CLTCL1: variants seen among roughly 807,000 people sequenced by gnomAD.
The protein encoded by CLTCL1 is clathrin heavy chain like 1.
In CLTCL1, 159 loss-of-function variants were observed where a neutral mutation model predicts 190.0. The ratio of observed to expected loss-of-function variants is 0.84; its 90% confidence interval spans 0.74 to 0.95. The LOEUF (loss-of-function observed/expected upper bound fraction) is 0.95. Among genes scored for constraint, CLTCL1 ranks in the 40% least tolerant of loss-of-function variants. The probability of loss-of-function intolerance (pLI) is 0.00; values close to 1 mark genes in which losing one functional copy is unlikely to be tolerated. For missense variants in CLTCL1, 1,878 were observed against 2,033.4 expected, an observed-to-expected ratio of 0.92 and a Z score of 1.47; for synonymous variants, 752 against 769.6, an observed-to-expected ratio of 0.98 and a Z score of 0.38.
intron 22 of CLTCL1, 110 bp downstream of exon 22, chr22:19,208,044 T>A: frequency 7.5e-7 from 1 of 1,337,362 alleles, no homozygotes; most frequent in South Asian, 1.2e-5. Context: ...AAAACTGTCT[T>A]CGATGAAACC....
intron 7 of CLTCL1, among the ~76,000 whole-genome samples, chr22:19,233,934 C>G (rs1555960570): frequency 6.6e-6 from 1 of 152,186 alleles, no homozygotes; most frequent in African/African-American, 2.4e-5. Flanking sequence ...ATTCAAAATA[C>G]TCAAATTCAC....
intron 24 of CLTCL1, 140 bp downstream of exon 24, chr22:19,199,594 A>C (rs775671023): frequency 2.3e-4 from 131 of 568,978 alleles, no homozygotes; most frequent in Non-Finnish European, 3.4e-4. Context: ...CTAACACATG[A>C]ATCTTCCCCT....
At position 19,208,210 on chromosome 22, in the gene CLTCL1, G is replaced by C; in HGVS notation, c.3544C>G (p.Arg1182Gly). The change falls in exon 22 of 33, where the codon CGT (arginine) becomes GGT (glycine). Residue 1182 changes from arginine to glycine, a missense_variant. Arg to Gly is a moderately radical substitution (Grantham distance 125). Transcript: ENST00000427926. ...ELIFALAKTSRVSELEDFING... is the reference protein window; with the variant it reads ...ELIFALAKTSGVSELEDFING... Reference sequence around the variant, plus strand: ...ATAAAATCTTCTAGCTCAGAAACACGGCTGGTTTTAGCCAAGGCAAAAATA... The same window carrying C: ...ATAAAATCTTCTAGCTCAGAAACACCGCTGGTTTTAGCCAAGGCAAAAATA... The C allele has an allele frequency of 1.2e-6, 2 of 1,613,824 alleles. No individual in the cohort carries two copies. The highest frequency in any genetic ancestry group is 1.6e-4 in the Middle Eastern group (1 of 6,062).
intron 18 of CLTCL1, among the ~76,000 whole-genome samples, chr22:19,216,755 C>T (rs1318382932): frequency 6.6e-6 from 1 of 152,190 alleles, no homozygotes; most frequent in African/African-American, 2.4e-5. Flanking sequence ...CTGTGCCACC[C>T]CTCCTCCAAT....
chr22:19,239,386 C>T lies in CLTCL1; in HGVS notation c.684G>A (p.Leu228=), dbSNP rs373286380. ...FAVRNPTGGK[L]HIIEVGQPAA... Reference sequence around the variant, plus strand: ...CAGGCTGTCCAACTTCAATGATGTGCAACTAGAAGAGAGATTTTAGGTCAA... The same window carrying T: ...CAGGCTGTCCAACTTCAATGATGTGTAACTAGAAGAGAGATTTTAGGTCAA... The change falls in exon 5 of 33, where the codon TTG becomes TTA. Residue 228 remains leucine, a splice_region_variant and synonymous_variant. Coordinates refer to ENST00000427926, the MANE Select transcript of CLTCL1 (RefSeq NM_007098.4). 3 of 1,612,746 alleles carry T rather than the reference C, an allele frequency of 1.9e-6. No homozygotes were observed. Among genetic ancestry groups the T allele is most frequent in the East Asian group, 2.2e-5 (1 of 44,872 alleles).
intron 1 of CLTCL1, among the ~76,000 whole-genome samples, chr22:19,279,266 G>T (rs1555985107): frequency 6.6e-6 from 1 of 152,048 alleles, no homozygotes; most frequent in Non-Finnish European, 1.5e-5. Context: ...CTCCCGAGTA[G>T]CTGGGACTAC....
chr22:19,187,418 T>TC (rs879987100), intron 29 of CLTCL1, 140 bp downstream of exon 29: 1 of 762,630 alleles, frequency 1.3e-6, no homozygotes, highest in Admixed American at 2.7e-5. Context: ...TTAATACTAA[T>TC]CCCCCCACCC....
intron 23 of CLTCL1, 28 bp downstream of exon 23, chr22:19,201,301 C>G (rs782262363): frequency 1.3e-6 from 2 of 1,589,740 alleles, no homozygotes; most frequent in Non-Finnish European, 1.7e-6. Flanking sequence ...CCAGCACACT[C>G]TGCCGTCTGC....
At chr22:19,287,120 T>G (rs144223666) in intron 1 of CLTCL1, among the ~76,000 whole-genome samples, 9 of 152,182 alleles carry the variant, frequency 5.9e-5, no homozygotes, top group Non-Finnish European at 1.2e-4. Flanking sequence ...TGAATCAAGA[T>G]GTCTTAAGTG....
chr22:19,287,757 T>TCCCAGGCTC (rs530155353), intron 1 of CLTCL1, among the ~76,000 whole-genome samples: 2,092 of 151,948 alleles, frequency 0.014, 24 homozygotes, highest in Non-Finnish European at 0.018. Flanking sequence ...GGAAAACACA[T>TCCCAGGCTC]CCCAGGCTCC....
At chr22:19,220,095 C>A in intron 17 of CLTCL1, 88 bp from the exon 18 acceptor site, 1 of 1,543,698 alleles carries the variant, frequency 6.5e-7, no homozygotes. Flanking sequence ...TCCCTGTGTG[C>A]CTGATACTGG....
intron 2 of CLTCL1, among the ~76,000 whole-genome samples, chr22:19,271,333 C>T (rs1239168715): frequency 6.6e-6 from 1 of 152,086 alleles, no homozygotes; most frequent in African/African-American, 2.4e-5. Flanking sequence ...CAGATTTCCC[C>T]CTTGCTGTTC....
chr22:19,183,926 G>C, intron 29 of CLTCL1: 1 of 420,176 alleles, frequency 2.4e-6, no homozygotes, highest in Non-Finnish European at 4.4e-6. Flanking sequence ...GGGAGTTTGG[G>C]GGTTGTGGGG....
chr22:19,183,438 G>A lies in CLTCL1; in HGVS notation c.4779C>T (p.Asp1593=), dbSNP rs781887207. ...LELAWRHNLV[D]LAMPYFIQVM... ...CCTGGATGAAGTAGGGCATGGCCAA[G>A]TCCACGAGGTTGTGCCTCCAGGCCA... Residue 1593 remains aspartate (D), a synonymous_variant, in exon 30 of 33, where the codon GAC becomes GAT. Transcript: ENST00000427926. 4 of 1,613,670 alleles carry A rather than the reference G, an allele frequency of 2.5e-6. No individual in the cohort carries two copies. In the South Asian group the frequency reaches 3.3e-5, roughly 13 times the overall value.
At chr22:19,206,591 T>G (rs999601858) in intron 22 of CLTCL1, among the ~76,000 whole-genome samples, 2 of 151,592 alleles carry the variant, frequency 1.3e-5, no homozygotes, top group African/African-American at 4.9e-5. Flanking sequence ...CAAAGTTCAT[T>G]TTGTTATTTT....
chr22:19,256,090 T>C (rs577887762), intron 2 of CLTCL1, among the ~76,000 whole-genome samples: 71 of 152,180 alleles, frequency 4.7e-4, no homozygotes, highest in Admixed American at 7.9e-4. Flanking sequence ...CAAGATGTCA[T>C]TTCCCCATAA....
At chr22:19,201,225 TG>T in intron 23 of CLTCL1, 103 bp downstream of exon 23, 1 of 1,365,366 alleles carries the variant, frequency 7.3e-7, no homozygotes. Context: ...GACCCCTGCC[TG>T]GGCAAGAGAC....
intron 22 of CLTCL1, among the ~76,000 whole-genome samples, chr22:19,202,721 A>G (rs2084937379): frequency 6.6e-6 from 1 of 152,092 alleles, no homozygotes; most frequent in Non-Finnish European, 1.5e-5. Flanking sequence ...CACCCATGGC[A>G]TCTCTCATGT....
chr22:19,229,950 C>G lies in CLTCL1; in HGVS notation c.1670G>C (p.Ser557Thr). The G allele has an allele frequency of 6.2e-7, 1 of 1,609,898 alleles. No individual in the cohort carries two copies. Among genetic ancestry groups the G allele is most frequent in the Non-Finnish European group, 8.5e-7 (1 of 1,178,238 alleles). The change falls in exon 11 of 33, where the codon AGT becomes ACT. Residue 557 changes from serine (S) to threonine (T), a missense_variant. By Grantham distance (58) the Ser-to-Thr change is moderately conservative (BLOSUM62 1). Coordinates refer to ENST00000427926, the MANE Select transcript of CLTCL1 (RefSeq NM_007098.4). ...GAAGGAAGTACACTGCTGAATTAAACTGTTTTCCATGAAAATGTCCACAAT... is the reference window on the plus strand; with the variant it reads ...GAAGGAAGTACACTGCTGAATTAAAGTGTTTTCCATGAAAATGTCCACAAT... ...SQIVDIFMENSLIQQCTSFLL... is the reference protein window; with the variant it reads ...SQIVDIFMENTLIQQCTSFLL...
Sources: allele counts gnomAD v4.1 joint callset (sites outside exome capture counted in the v4.1 genomes callset), GRCh38; gene constraint gnomAD v4.1.1; transcripts MANE v1.5; gene names NCBI Gene and HGNC (gene_info 2026-07-23, HGNC 2026-07-21).